Variants in CSNK1G1 observed in about 807,000 individuals in gnomAD.
CSNK1G1 encodes the protein casein kinase I isoform gamma-1.
CSNK1G1 carries 22 observed loss-of-function variants against 59.6 expected under a neutral mutation model. The ratio of observed to expected loss-of-function variants is 0.37; its 90% CI spans 0.26 to 0.53. CSNK1G1 has a LOEUF of 0.53. CSNK1G1 is among the 20% of genes least tolerant of loss of function. CSNK1G1 has a pLI of 0.89. For synonymous variants in CSNK1G1, 179 were observed against 177.1 expected (o/e 1.01, Z -0.08); for missense variants, 384 against 519.5 (o/e 0.74, Z 2.54).
At chr15:64,296,357 G>A (rs1895022227) in intron 2 of CSNK1G1, among the ~76,000 whole-genome samples, 2 of 152,134 alleles carry the variant, frequency 1.3e-5, no homozygotes, top group South Asian at 2.1e-4. Flanking sequence ...CTAAGCTCAA[G>A]TCATCTGCCT....
rs913645221 is a variant in CSNK1G1 at position 64,194,865 on chromosome 15, A to G, written c.1107+8217T>C. On this transcript the variant is annotated intron_variant, in intron 10 of 11. Coordinates refer to ENST00000303052, the MANE Select transcript of CSNK1G1 (RefSeq NM_022048.5). ...TTAAATGTATTCCCTTACAGTCTAG[A>G]TACAAACAAATCCAAAACACTCTTT... Among the ~76,000 whole-genome samples, 5 of 152,158 alleles carry G rather than the reference A, an allele frequency of 3.3e-5. No individual in the cohort carries two copies. The East Asian group carries it at 9.6e-4, about 29-fold the overall frequency.
At position 64,269,492 on chromosome 15, in the gene CSNK1G1, ATTTTTTT is replaced by A. The variant is rs36065606; in HGVS notation, c.182-10258_182-10252del. ...GTGTTTGTAGCAGTTTCTGATGGCT[ATTTTTTT>A]TTTTTTTTTTTTGAGACGGAGTCTT... On this transcript the variant is annotated intron_variant, in intron 2 of 11. Transcript: ENST00000303052. 6.0e-5 allele frequency among the ~76,000 whole-genome samples: 7 copies of A among 117,244 alleles called. No homozygotes were observed. In the East Asian group the frequency reaches 1.5e-3, roughly 24 times the overall value. 76.9% of individuals were successfully genotyped at this position (117,244 alleles called of 152,430 possible).
At chr15:64,346,544 G>A (rs555952959) in intron 1 of CSNK1G1, among the ~76,000 whole-genome samples, 7 of 151,562 alleles carry the variant, frequency 4.6e-5, no homozygotes, top group Admixed American at 3.3e-4. Flanking sequence ...TGCAAATTCC[G>A]CCTCCCAGGT....
chr15:64,254,190 T>C (rs1476987287), intron 3 of CSNK1G1, among the ~76,000 whole-genome samples: 2 of 148,156 alleles, frequency 1.3e-5, no homozygotes, highest in East Asian at 2.0e-4. Flanking sequence ...GTCAAATTCA[T>C]AGAGACAGAC....
chr15:64,234,915 A>G (rs1194272812), intron 4 of CSNK1G1, among the ~76,000 whole-genome samples: 2 of 152,100 alleles, frequency 1.3e-5, no homozygotes, highest in Non-Finnish European at 2.9e-5. Flanking sequence ...GGCTCTACTC[A>G]ATCTCTGCTA....
chr15:64,243,389 G>A (rs1405447733), intron 4 of CSNK1G1, among the ~76,000 whole-genome samples: 2 of 151,898 alleles, frequency 1.3e-5, no homozygotes, highest in Non-Finnish European at 2.9e-5. Context: ...ACTAGGTACA[G>A]AAGGAACATA....
intron 4 of CSNK1G1, among the ~76,000 whole-genome samples, chr15:64,237,762 G>A (rs2082635059): frequency 6.6e-6 from 1 of 152,168 alleles, no homozygotes; most frequent in Non-Finnish European, 1.5e-5. Context: ...CCATGCTCCT[G>A]TTAATTTACA....
chr15:64,202,536 C>A (rs1272292280), intron 10 of CSNK1G1, among the ~76,000 whole-genome samples: 1 of 151,478 alleles, frequency 6.6e-6, no homozygotes, highest in Non-Finnish European at 1.5e-5. Context: ...CAGACTCTGA[C>A]AGGCCCACAC....
At chr15:64,302,161 G>A (rs541780178) in intron 1 of CSNK1G1, among the ~76,000 whole-genome samples, 5 of 152,136 alleles carry the variant, frequency 3.3e-5, no homozygotes, top group South Asian at 2.1e-4. Flanking sequence ...GTGCAATGGC[G>A]AGATCTCGGC....
chr15:64,187,354 G>T (rs1278549824), intron 10 of CSNK1G1, among the ~76,000 whole-genome samples: 2 of 149,904 alleles, frequency 1.3e-5, no homozygotes, highest in Admixed American at 6.6e-5. Flanking sequence ...ACCGGGCCTG[G>T]CTAATTTTTT....
intron 1 of CSNK1G1, among the ~76,000 whole-genome samples, chr15:64,326,742 C>T (rs1053055528): frequency 1.3e-5 from 2 of 151,798 alleles, no homozygotes; most frequent in Non-Finnish European, 2.9e-5. Context: ...CGGGTGATTT[C>T]TGCATTTCCA....
chr15:64,181,209 C>A, intron 10 of CSNK1G1: 1 of 1,530,284 alleles, frequency 6.5e-7, no homozygotes, highest in South Asian at 1.2e-5. Context: ...ATTTCAGGTT[C>A]ACTGCCATCC....
chr15:64,263,409 G>A (rs1024914090), intron 2 of CSNK1G1, among the ~76,000 whole-genome samples: 3 of 151,850 alleles, frequency 2.0e-5, no homozygotes, highest in East Asian at 1.9e-4. Context: ...GGATGGGCTC[G>A]ATCTCTTGAC....
intron 1 of CSNK1G1, among the ~76,000 whole-genome samples, chr15:64,304,143 T>A (rs966215711): frequency 6.6e-6 from 1 of 151,826 alleles, no homozygotes; most frequent in Non-Finnish European, 1.5e-5. Flanking sequence ...ATCCCAGTAC[T>A]TTGGGAGGCC....
At chr15:64,184,309 T>A (rs931065945) in intron 10 of CSNK1G1, among the ~76,000 whole-genome samples, 37 of 148,188 alleles carry the variant, frequency 2.5e-4, no homozygotes, top group Admixed American at 2.0e-3. Context: ...TCTCAAAAAA[T>A]AAATAAATAA....
chr15:64,257,229 G>A (rs74019233), intron 3 of CSNK1G1, among the ~76,000 whole-genome samples: 3,103 of 151,810 alleles, frequency 0.02, 118 homozygotes, highest in African/African-American at 0.071. Flanking sequence ...GAAATGTAAC[G>A]ATCAATCATG....
At chr15:64,179,564 A>C (rs767905734) in intron 11 of CSNK1G1, among the ~76,000 whole-genome samples, 10 of 152,196 alleles carry the variant, frequency 6.6e-5, no homozygotes, top group African/African-American at 1.4e-4. Context: ...TGGTGTCTCT[A>C]TCTCTCCCTA....
chr15:64,229,958 G>A (rs1596129224), intron 4 of CSNK1G1, among the ~76,000 whole-genome samples: 2 of 98,402 alleles, frequency 2.0e-5, no homozygotes, highest in African/African-American at 7.7e-5. Context: ...ATCTCACTCT[G>A]TCGCCCAGGC....
At chr15:64,332,452 C>T (rs553668376) in intron 1 of CSNK1G1, among the ~76,000 whole-genome samples, 28 of 129,480 alleles carry the variant, frequency 2.2e-4, no homozygotes, top group African/African-American at 7.2e-4. Flanking sequence ...CATATTCTCA[C>T]TCATAGGTGG....
Sources: gnomAD v4.1 joint callset for allele counts (sites outside exome capture counted in the v4.1 genomes callset) on GRCh38, gnomAD v4.1.1 for gene constraint, MANE v1.5 for transcripts, NCBI Gene and HGNC (gene_info 2026-07-23, HGNC 2026-07-21) for gene names.